The following NCKAP5 variants were observed in gnomAD, a reference collection of about 807,000 sequenced individuals.
The protein encoded by NCKAP5 is nck-associated protein 5.
A neutral mutation model predicts 167.0 loss-of-function variants in NCKAP5; 92 were observed. The ratio of observed to expected loss-of-function variants is 0.55; its 90% CI spans 0.47 to 0.66. The LOEUF (loss-of-function observed/expected upper bound fraction) is 0.66, where lower values mean the gene tolerates loss of function less well. Ranked by LOEUF, NCKAP5 falls within the 30% of genes least tolerant of loss-of-function variation. NCKAP5 has a pLI of 0.00. For missense variants in NCKAP5, 2,378 were observed against 2,315.0 expected (o/e 1.03, Z -0.56); for synonymous variants, 891 against 877.4 (o/e 1.02, Z -0.27).
At chr2:133,662,605 TG>T in the NCKAP5 span, among the ~76,000 whole-genome samples, 1 of 143,880 alleles carries the variant, frequency 7.0e-6, no homozygotes, top group Admixed American at 6.9e-5. Context: ...ATTAGGTTGG[TG>T]CAAAAGTAAT....
At chr2:133,373,063 T>A (rs879000610) in intron 3 of NCKAP5, among the ~76,000 whole-genome samples, 1 of 152,170 alleles carries the variant, frequency 6.6e-6, no homozygotes, top group Non-Finnish European at 1.5e-5. Flanking sequence ...ATATGTATCT[T>A]TTTTTGGATG....
intron 5 of NCKAP5, among the ~76,000 whole-genome samples, chr2:133,178,412 G>T (rs984066568): frequency 1.3e-5 from 2 of 148,692 alleles, no homozygotes; most frequent in Non-Finnish European, 3.0e-5. Context: ...GGCTGAGGCT[G>T]GAGAATTGCC....
chr2:133,477,618 A>G (rs1476093773), intron 3 of NCKAP5, among the ~76,000 whole-genome samples: 1 of 152,196 alleles, frequency 6.6e-6, no homozygotes, highest in Non-Finnish European at 1.5e-5. Flanking sequence ...ACCACAAGAG[A>G]TTAACAGTAA....
At chr2:132,794,801 AACT>A (rs1684450155) in intron 12 of NCKAP5, among the ~76,000 whole-genome samples, 1 of 152,114 alleles carries the variant, frequency 6.6e-6, no homozygotes, top group South Asian at 2.1e-4. Context: ...CCTAAGTAGT[AACT>A]ACATTAGGCA....
intron 11 of NCKAP5, among the ~76,000 whole-genome samples, chr2:132,809,260 A>G (rs1005688059): frequency 2.6e-5 from 4 of 152,092 alleles, no homozygotes; most frequent in African/African-American, 4.8e-5. Context: ...TGAATGAAAT[A>G]TTCTGTATAA....
At chr2:133,640,203 G>A in the NCKAP5 span, among the ~76,000 whole-genome samples, 1 of 152,156 alleles carries the variant, frequency 6.6e-6, no homozygotes, top group Non-Finnish European at 1.5e-5. Context: ...AATGTTTTAT[G>A]TATTAAGCTA....
At chr2:133,522,953 T>C (rs1444998861) in intron 2 of NCKAP5, among the ~76,000 whole-genome samples, 9 of 152,184 alleles carry the variant, frequency 5.9e-5, no homozygotes, top group Admixed American at 5.2e-4. Context: ...AAAACGGTCA[T>C]GGAGTTGAAA....
rs765860095 is a variant in NCKAP5, at chr2:132,878,926, G to C, written c.580-10C>G. ...ACGCTGAATTCTCTGCCTGCAGTAA[G>C]ATACAAAAATAACACAAATAAATCA... On this transcript the variant is annotated splice_polypyrimidine_tract_variant and intron_variant, in intron 8 of 19. Transcript: ENST00000409261. 1 of 1,607,614 alleles carries C rather than the reference G, an allele frequency of 6.2e-7. No homozygotes were observed.
intron 11 of NCKAP5, among the ~76,000 whole-genome samples, chr2:132,831,827 C>T (rs949323547): frequency 6.6e-6 from 1 of 151,984 alleles, no homozygotes; most frequent in Non-Finnish European, 1.5e-5. Flanking sequence ...TATAAACATA[C>T]TCTGATATTT....
intron 3 of NCKAP5, among the ~76,000 whole-genome samples, chr2:133,492,473 C>T (rs543366231): frequency 3.9e-5 from 6 of 152,270 alleles, no homozygotes; most frequent in East Asian, 1.9e-4. Context: ...TATAACACAA[C>T]GCTTCCTGTG....
rs564176833 is a variant in NCKAP5, at chr2:133,061,131, A to G, written c.342-66892T>C. Among the ~76,000 whole-genome samples, 32 of 152,322 alleles carry G rather than the reference A, an allele frequency of 2.1e-4. No homozygotes were observed. In the South Asian group the frequency reaches 5.4e-3, roughly 26 times the overall value. ...TATATTAAAAATTTGCTTCATTACT[A>G]GACTGTAGAGAAATTTGATTTTACA... On this transcript the variant is annotated intron_variant, in intron 6 of 19. Coordinates refer to ENST00000409261, the MANE Select transcript of NCKAP5 (RefSeq NM_207363.3).
the NCKAP5 span, among the ~76,000 whole-genome samples, chr2:133,646,484 T>C: frequency 6.6e-6 from 1 of 152,070 alleles, no homozygotes; most frequent in South Asian, 2.1e-4. Flanking sequence ...AATAATAATA[T>C]ATCCAGCAAA....
intron 16 of NCKAP5, among the ~76,000 whole-genome samples, chr2:132,761,944 G>A (rs1681043894): frequency 6.6e-6 from 1 of 152,122 alleles, no homozygotes; most frequent in Admixed American, 6.5e-5. Flanking sequence ...TCTACAAAAG[G>A]GACCCTTGGA....
chr2:133,118,731 C>T (rs1454144400), intron 6 of NCKAP5: 2 of 152,096 alleles, frequency 1.3e-5, no homozygotes, highest in East Asian at 1.9e-4. Flanking sequence ...TAGCTAAACA[C>T]ATATTGTCCA....
At chr2:132,809,887 T>G (rs187056452) in intron 11 of NCKAP5, among the ~76,000 whole-genome samples, 49 of 152,348 alleles carry the variant, frequency 3.2e-4, no homozygotes, top group African/African-American at 1.1e-3. Context: ...TCCTGTGTGA[T>G]TTATGCTTTC....
At chr2:133,260,646 A>C (rs1378024142) in intron 4 of NCKAP5, among the ~76,000 whole-genome samples, 6 of 152,242 alleles carry the variant, frequency 3.9e-5, no homozygotes, top group Non-Finnish European at 8.8e-5. Flanking sequence ...CAGTGGAGCG[A>C]GTGACAGCTG....
chr2:133,039,072 G>A (rs2079129498), intron 6 of NCKAP5, among the ~76,000 whole-genome samples: 1 of 152,194 alleles, frequency 6.6e-6, no homozygotes. Flanking sequence ...GGGCACCAAT[G>A]TGACTGGCTC....
At chr2:133,576,220 CT>C in the NCKAP5 span, among the ~76,000 whole-genome samples, 45,915 of 152,012 alleles carry the variant, frequency 0.3, 7,319 homozygotes, top group South Asian at 0.39. Context: ...TCTTCCCATT[CT>C]TTTTTCTTCA....
Position 132,732,061 on chromosome 2 carries a change from A to C in NCKAP5, c.5129-10T>G. On this transcript the variant is annotated splice_polypyrimidine_tract_variant and intron_variant, in intron 16 of 19. Transcript: ENST00000409261. ...ATCTGGCAGTTGGATTCTGAGATAG[A>C]GAGACAGAGAGAGAAGGGAATAGAG... 6.3e-7 allele frequency: 1 copy of C among 1,597,972 alleles called. No individual in the cohort carries two copies. The highest frequency in any genetic ancestry group is 8.5e-7 in the Non-Finnish European group (1 of 1,170,198).
Sources: gnomAD v4.1 joint callset for allele counts (sites outside exome capture counted in the v4.1 genomes callset) on GRCh38, gnomAD v4.1.1 for gene constraint, MANE v1.5 for transcripts, NCBI Gene and HGNC (gene_info 2026-07-23, HGNC 2026-07-21) for gene names.